ERC2: variants seen among roughly 807,000 people sequenced by gnomAD.
ERC2 encodes ERC protein 2.
Under a neutral mutation model 114.8 loss-of-function variants are expected in ERC2, and 42 were observed. The observed-to-expected ratio is 0.37, with a 90% CI of 0.29 to 0.47. The LOEUF (loss-of-function observed/expected upper bound fraction) is 0.47. Ranked by LOEUF, ERC2 falls within the 20% of genes least tolerant of loss-of-function variation. ERC2 has a pLI of 0.99. For missense variants in ERC2, 939 were observed against 1,150.7 expected, an observed-to-expected ratio of 0.82 and a Z score of 2.66; for synonymous variants, 454 against 425.5, an observed-to-expected ratio of 1.07 and a Z score of -0.82.
intron 13 of ERC2, among the ~76,000 whole-genome samples, chr3:55,902,588 C>T (rs1314982501): frequency 2.0e-5 from 3 of 152,190 alleles, no homozygotes; most frequent in Non-Finnish European, 4.4e-5. Context: ...TAGAGGGTTC[C>T]TATGCTTTCC....
At chr3:56,172,023 A>T in intron 4 of ERC2, among the ~76,000 whole-genome samples, 1 of 137,876 alleles carries the variant, frequency 7.3e-6, no homozygotes, top group African/African-American at 2.6e-5. Flanking sequence ...TTGTCTTTTC[A>T]TTTTTCCTCT....
chr3:56,046,182 G>A (rs894693531), intron 7 of ERC2, among the ~76,000 whole-genome samples: 1 of 152,130 alleles, frequency 6.6e-6, no homozygotes, highest in Non-Finnish European at 1.5e-5. Flanking sequence ...GAAAATAATA[G>A]TTACTCCCAA....
At chr3:55,644,030 G>A (rs1045837504) in intron 17 of ERC2, among the ~76,000 whole-genome samples, 2 of 151,972 alleles carry the variant, frequency 1.3e-5, no homozygotes, top group African/African-American at 2.4e-5. Context: ...GGATGAAAGG[G>A]GTCAAGCAGA....
chr3:56,321,331 A>G (rs2150422646), intron 2 of ERC2, among the ~76,000 whole-genome samples: 1 of 152,344 alleles, frequency 6.6e-6, no homozygotes. Context: ...ATCTGTAGGG[A>G]AAAAGAATAC....
At chr3:56,040,047 A>T (rs1255554272) in intron 7 of ERC2, among the ~76,000 whole-genome samples, 3 of 152,210 alleles carry the variant, frequency 2.0e-5, no homozygotes, top group Non-Finnish European at 4.4e-5. Context: ...CTGCCCAAAG[A>T]AAACATAAGG....
At chr3:56,379,119 C>T (rs1017759470) in intron 2 of ERC2, among the ~76,000 whole-genome samples, 2 of 152,126 alleles carry the variant, frequency 1.3e-5, no homozygotes, top group African/African-American at 4.8e-5. Context: ...ATGTGTATGT[C>T]ATACTTAAAG....
chr3:55,753,961 C>T (rs1294222502), intron 14 of ERC2, among the ~76,000 whole-genome samples: 1 of 152,102 alleles, frequency 6.6e-6, no homozygotes, highest in Non-Finnish European at 1.5e-5. Context: ...GTTTCTTCAT[C>T]TGTAAAATGA....
intron 14 of ERC2, among the ~76,000 whole-genome samples, chr3:55,865,578 C>T (rs928742750): frequency 2.0e-5 from 3 of 151,934 alleles, no homozygotes; most frequent in Admixed American, 6.6e-5. Context: ...TTTTTTTTCA[C>T]CCCAAACAGA....
chr3:56,446,862 A>G (rs1013539646), intron 1 of ERC2, among the ~76,000 whole-genome samples: 3 of 151,522 alleles, frequency 2.0e-5, no homozygotes, highest in African/African-American at 7.3e-5. Context: ...CCTGACCTCA[A>G]GTGATCCTCC....
intron 14 of ERC2, among the ~76,000 whole-genome samples, chr3:55,757,033 G>C (rs946687143): frequency 6.6e-6 from 1 of 152,060 alleles, no homozygotes; most frequent in Non-Finnish European, 1.5e-5. Context: ...ATATGCTTTT[G>C]GTGAAAACAC....
At chr3:56,078,224 T>C (rs1050594968) in intron 7 of ERC2, among the ~76,000 whole-genome samples, 1 of 152,224 alleles carries the variant, frequency 6.6e-6, no homozygotes, top group African/African-American at 2.4e-5. Context: ...ACCTTGTCCA[T>C]GAAGAGCTCT....
chr3:56,293,956 A>C (rs2055262052), intron 3 of ERC2, among the ~76,000 whole-genome samples: 1 of 152,258 alleles, frequency 6.6e-6, no homozygotes, highest in Non-Finnish European at 1.5e-5. Flanking sequence ...CCCAACAAGG[A>C]GTGAGAAATG....
At chr3:56,358,737 T>G (rs764428152) in intron 2 of ERC2, among the ~76,000 whole-genome samples, 4 of 152,250 alleles carry the variant, frequency 2.6e-5, no homozygotes, top group African/African-American at 9.6e-5. Context: ...TCTCCAAGCC[T>G]TGGTATCCTC....
intron 14 of ERC2, among the ~76,000 whole-genome samples, chr3:55,826,349 T>C (rs960613372): frequency 9.2e-5 from 14 of 152,186 alleles, no homozygotes; most frequent in Non-Finnish European, 1.5e-4. Context: ...GGGCTCCAGC[T>C]GACCTCTATT....
chr3:56,283,766 C>A (rs2054502928), intron 3 of ERC2, among the ~76,000 whole-genome samples: 2 of 152,092 alleles, frequency 1.3e-5, no homozygotes, highest in East Asian at 3.9e-4. Flanking sequence ...TTAAGGAACT[C>A]TTTGGAGAAA....
intron 7 of ERC2, among the ~76,000 whole-genome samples, chr3:56,023,739 C>T (rs2073867454): frequency 1.1e-5 from 1 of 91,026 alleles, no homozygotes; most frequent in South Asian, 3.6e-4. Context: ...GGCAACACCC[C>T]ACATATTAGC....
chr3:55,643,374 G>A (rs944387012), intron 17 of ERC2, among the ~76,000 whole-genome samples: 2 of 152,214 alleles, frequency 1.3e-5, no homozygotes, highest in African/African-American at 2.4e-5. Context: ...TGGATATAGA[G>A]CACTGGCAAG....
intron 2 of ERC2, among the ~76,000 whole-genome samples, chr3:56,389,112 A>G (rs1377103754): frequency 1.3e-5 from 2 of 152,188 alleles, no homozygotes; most frequent in African/African-American, 4.8e-5. Flanking sequence ...ATCTAAATAC[A>G]TTGTAGATAA....
chr3:55,650,028 C>A (rs755068570), intron 17 of ERC2, among the ~76,000 whole-genome samples: 36 of 152,122 alleles, frequency 2.4e-4, no homozygotes, highest in Non-Finnish European at 2.9e-5. Flanking sequence ...CCCTTGCTGG[C>A]CATGTGCCTC....
Sources: allele counts gnomAD v4.1 joint callset (sites outside exome capture counted in the v4.1 genomes callset), GRCh38; gene constraint gnomAD v4.1.1; transcripts MANE v1.5; gene names NCBI Gene and HGNC (gene_info 2026-07-23, HGNC 2026-07-21).